Variants in BAX observed in about 807,000 individuals in gnomAD.
The protein encoded by BAX is apoptosis regulator BAX.
A neutral mutation model predicts 26.8 loss-of-function variants in BAX; 21 were observed. The observed-to-expected ratio is 0.78, with a 90% CI of 0.56 to 1.13. BAX has a LOEUF of 1.13. Among genes scored for constraint, BAX ranks in the 50% most tolerant of loss-of-function variants. BAX has a pLI of 0.00. For synonymous variants in BAX, 110 were observed against 101.8 expected (o/e 1.08, Z -0.49); for missense variants, 236 against 254.6 (o/e 0.93, Z 0.50).
At chr19:48,955,516 C>T (rs2038088626) in intron 1 of BAX, 32 bp from the exon 2 acceptor site, 1 of 1,603,702 alleles carries the variant, frequency 6.2e-7, no homozygotes, top group Admixed American at 1.7e-5. Flanking sequence ...ACCCAAGAGT[C>T]CAGGTACCTC....
At chr19:48,959,881 C>T (rs2038287456) in intron 4 of BAX, among the ~76,000 whole-genome samples, 1 of 150,466 alleles carries the variant, frequency 6.6e-6, no homozygotes, top group Non-Finnish European at 1.5e-5. Context: ...TAATCCCAAC[C>T]CTTTGGGAGG....
chr19:48,956,630 A>G (rs2038143265), intron 4 of BAX, among the ~76,000 whole-genome samples: 1 of 150,990 alleles, frequency 6.6e-6, no homozygotes. Flanking sequence ...GTGATTTAGC[A>G]GAGTGGTCAG....
At chr19:48,958,082 G>A (rs1180542782) in intron 4 of BAX, among the ~76,000 whole-genome samples, 1 of 88,446 alleles carries the variant, frequency 1.1e-5, no homozygotes, top group Non-Finnish European at 2.2e-5. Flanking sequence ...AGCAGCAGAG[G>A]TGCGGGGGGG....
At position 48,954,972 on chromosome 19, in the gene BAX, G is replaced by C. The variant is rs772675798; in HGVS notation, c.34+10G>C. 8.1e-7 allele frequency: 1 copy of C among 1,240,820 alleles called. No homozygotes were observed. The highest frequency in any genetic ancestry group is 1.0e-6 in the Non-Finnish European group (1 of 991,736). The allele number at this position is 1,240,820 out of a possible 1,614,324, so 76.9% of individuals were successfully genotyped here. On this transcript the variant is annotated intron_variant, in intron 1 of 5. Coordinates refer to ENST00000345358, the MANE Select transcript of BAX (RefSeq NM_138761.4). The stretch of plus-strand genomic sequence containing the variant: ...CAGCCCAGAGGCGGGGGTGAGGCGG[G>C]AGGCAGACGGGCGGGAGGAGGGCGA...
chr19:48,956,410 C>G, intron 4 of BAX, 77 bp downstream of exon 4: 2 of 1,424,656 alleles, frequency 1.4e-6, no homozygotes, highest in Non-Finnish European at 1.9e-6. Context: ...TGGTATCAAC[C>G]CCCTGCAGTG....
chr19:48,961,319 T>C, intron 5 of BAX: 1 of 1,356,666 alleles, frequency 7.4e-7, no homozygotes, highest in Non-Finnish European at 9.7e-7. Context: ...ACTCCTGGCC[T>C]CAAGCGATCC....
chr19:48,954,889 C>G lies in BAX; in HGVS notation c.-40C>G. 5 of 1,226,734 alleles carry G rather than the reference C, an allele frequency of 4.1e-6. No individual in the cohort carries two copies. Among genetic ancestry groups the G allele is most frequent in the Non-Finnish European group, 4.1e-6 (4 of 984,330 alleles). 76.0% of individuals were successfully genotyped at this position (1,226,734 alleles called of 1,614,324 possible). On this transcript the variant is annotated 5_prime_UTR_variant, in exon 1 of 6. Transcript: ENST00000345358. ...GTGACCCGGGCGCGCTGCGGCCGCC[C>G]GCGCGGACCCGGCGAGAGGCGGCGG... is the stretch of plus-strand genomic sequence containing the variant.
In BAX at chr19:48,956,311, T is replaced by C; in HGVS notation, c.347T>C (p.Phe116Ser). 6.3e-7 allele frequency: 1 copy of C among 1,577,332 alleles called. No homozygotes were observed. Among genetic ancestry groups the C allele is most frequent in the Non-Finnish European group, 8.6e-7 (1 of 1,162,890 alleles). Reference protein sequence around the residue: ...NWGRVVALFYFASKLVLKALC... With the variant: ...NWGRVVALFYSASKLVLKALC... ...GGCCGGGTTGTCGCCCTTTTCTACT[T>C]TGCCAGCAAACTGGTGCTCAAGGTG... Residue 116 changes from phenylalanine (F) to serine (S), a missense_variant, in exon 4 of 6, where the codon TTT becomes TCT. Phe to Ser is a radical substitution (Grantham distance 155). Coordinates refer to ENST00000345358, the MANE Select transcript of BAX (RefSeq NM_138761.4).
chr19:48,960,071 C>T (rs1266584484), intron 4 of BAX, among the ~76,000 whole-genome samples: 1 of 151,838 alleles, frequency 6.6e-6, no homozygotes, highest in Non-Finnish European at 1.5e-5. Flanking sequence ...CCAAAGCCTG[C>T]ACACAGGGCT....
chr19:48,957,276 T>C (rs1223637911), intron 4 of BAX, among the ~76,000 whole-genome samples: 1 of 121,838 alleles, frequency 8.2e-6, no homozygotes, highest in Non-Finnish European at 1.7e-5. Context: ...TTTTTTTTTT[T>C]TTTTTTTTTT....
chr19:48,960,982 T>G, intron 5 of BAX, 68 bp downstream of exon 5: 2 of 1,472,214 alleles, frequency 1.4e-6, no homozygotes, highest in Non-Finnish European at 9.3e-7. Flanking sequence ...CCACCGTCCC[T>G]GCCCCCCGCC....
chr19:48,957,248 G>A (rs1221007685), intron 4 of BAX, among the ~76,000 whole-genome samples: 1 of 138,658 alleles, frequency 7.2e-6, no homozygotes, highest in East Asian at 2.3e-4. Flanking sequence ...CGGGCTGCTG[G>A]AAAGACTTTT....
At position 48,955,540 on chromosome 19, in the gene BAX, TC is replaced by T. The variant is rs747964813; in HGVS notation, c.35-6del. ...TCCAGGTACCTCTTCCCTTCCTTTC[TC>T]CTCTAGGGCCCACCAGCTCTGAGCA... On this transcript the variant is annotated splice_polypyrimidine_tract_variant and splice_region_variant and intron_variant, in intron 1 of 5. Coordinates refer to ENST00000345358, the MANE Select transcript of BAX (RefSeq NM_138761.4). 6.2e-7 allele frequency: 1 copy of T among 1,609,842 alleles called. No individual in the cohort carries two copies. Among genetic ancestry groups the T allele is most frequent in the South Asian group, 1.1e-5 (1 of 90,454 alleles).
Position 48,954,964 on chromosome 19 carries a change from T to C in BAX, c.34+2T>C. The C allele has an allele frequency of 8.1e-7, 1 of 1,234,304 alleles. No homozygotes were observed. Among genetic ancestry groups the C allele is most frequent in the Non-Finnish European group, 1.0e-6 (1 of 989,120 alleles). 76.5% of individuals were successfully genotyped at this position (1,234,304 alleles called of 1,614,324 possible). ...CCGGGGAGCAGCCCAGAGGCGGGGG[T>C]GAGGCGGGAGGCAGACGGGCGGGAG... On this transcript the variant is annotated splice_donor_variant, in intron 1 of 5. Coordinates refer to ENST00000345358, the MANE Select transcript of BAX (RefSeq NM_138761.4). LOFTEE classifies it high-confidence loss of function.
At position 48,954,913 on chromosome 19, in the gene BAX, G is replaced by A. The variant is rs888642901; in HGVS notation, c.-16G>A. On this transcript the variant is annotated 5_prime_UTR_variant, in exon 1 of 6. Transcript: ENST00000345358. ...CCGCGCGGACCCGGCGAGAGGCGGCGGCGGGAGCGGCGGTGATGGACGGGT... is the reference window on the plus strand; with the variant it reads ...CCGCGCGGACCCGGCGAGAGGCGGCAGCGGGAGCGGCGGTGATGGACGGGT... 1.6e-6 allele frequency: 2 copies of A among 1,233,970 alleles called. No individual in the cohort carries two copies. The highest frequency in any genetic ancestry group is 2.0e-6 in the Non-Finnish European group (2 of 988,290). 76.4% of individuals were successfully genotyped at this position (1,233,970 alleles called of 1,614,324 possible).
rs930241245 is a variant in BAX, at chr19:48,954,910, G to C, written c.-19G>C. On this transcript the variant is annotated 5_prime_UTR_variant, in exon 1 of 6. Coordinates refer to ENST00000345358, the MANE Select transcript of BAX (RefSeq NM_138761.4). Reference sequence around the variant, plus strand: ...CGCCCGCGCGGACCCGGCGAGAGGCGGCGGCGGGAGCGGCGGTGATGGACG... The same window carrying C: ...CGCCCGCGCGGACCCGGCGAGAGGCCGCGGCGGGAGCGGCGGTGATGGACG... 1.6e-6 allele frequency: 2 copies of C among 1,233,472 alleles called. No individual in the cohort carries two copies. Among genetic ancestry groups the C allele is most frequent in the Non-Finnish European group, 1.0e-6 (1 of 988,202 alleles). The allele number at this position is 1,233,472 out of a possible 1,614,324, so 76.4% of individuals were successfully genotyped here.
chr19:48,960,589 C>G (rs2038317174), intron 4 of BAX, among the ~76,000 whole-genome samples: 1 of 152,186 alleles, frequency 6.6e-6, no homozygotes, highest in Non-Finnish European at 1.5e-5. Flanking sequence ...TCTTGAACTC[C>G]CGACCTCAAG....
At chr19:48,955,987 G>A (rs2038113866) in intron 3 of BAX, 154 bp downstream of exon 3, 4 of 1,163,768 alleles carry the variant, frequency 3.4e-6, no homozygotes, top group Non-Finnish European at 4.7e-6. Flanking sequence ...CTCTCTGCCA[G>A]GATCTTAAAA....
In BAX at chr19:48,955,569, T is replaced by A. The variant is rs374123839; in HGVS notation, c.56T>A (p.Ile19Asn). ...CTAGGGCCCACCAGCTCTGAGCAGA[T>A]CATGAAGACAGGGGCCCTTTTGCTT... is the stretch of plus-strand genomic sequence containing the variant. ...RGGGPTSSEQ[I>N]MKTGALLLQG... The change falls in exon 2 of 6, where the codon ATC becomes AAC. Residue 19 changes from isoleucine to asparagine, a missense_variant. Physicochemically the swap from Ile to Asn is moderately radical, Grantham distance 149. Transcript: ENST00000345358. 1 of 1,613,900 alleles carries A rather than the reference T, an allele frequency of 6.2e-7. No individual in the cohort carries two copies. The highest frequency in any genetic ancestry group is 1.3e-5 in the African/African-American group (1 of 75,018).
Sources: gnomAD v4.1 joint callset for allele counts (sites outside exome capture counted in the v4.1 genomes callset) on GRCh38, gnomAD v4.1.1 for gene constraint, MANE v1.5 for transcripts, NCBI Gene and HGNC (gene_info 2026-07-23, HGNC 2026-07-21) for gene names.